The following DNM3 variants were observed in gnomAD, a reference collection of about 807,000 sequenced individuals.
The protein encoded by DNM3 is dynamin-3.
Under a neutral mutation model 101.6 loss-of-function variants are expected in DNM3, and 47 were observed. The ratio of observed to expected loss-of-function variants is 0.46; its 90% CI spans 0.37 to 0.59. The LOEUF is 0.59. Among genes scored for constraint, DNM3 ranks in the 20% least tolerant of loss-of-function variants. The probability of loss-of-function intolerance (pLI) is 0.00; values close to 1 mark genes in which losing one functional copy is unlikely to be tolerated. For synonymous variants in DNM3, 385 were observed against 387.9 expected, an observed-to-expected ratio of 0.99 and a Z score of 0.09; for missense variants, 849 against 1,085.7, an observed-to-expected ratio of 0.78 and a Z score of 3.06.
intron 14 of DNM3, among the ~76,000 whole-genome samples, chr1:172,156,710 TAAAC>T (rs1387829966): frequency 6.6e-6 from 1 of 152,114 alleles, no homozygotes; most frequent in African/African-American, 2.4e-5. Context: ...ATACTATAAA[TAAAC>T]TAACTCTTTT....
chr1:171,919,626 C>G (rs1025970025), intron 1 of DNM3, among the ~76,000 whole-genome samples: 2 of 152,014 alleles, frequency 1.3e-5, no homozygotes, highest in African/African-American at 4.8e-5. Context: ...ACAAACAAAA[C>G]AAAGTAGATG....
chr1:171,880,433 T>C (rs1443122508), intron 1 of DNM3, among the ~76,000 whole-genome samples: 4 of 152,192 alleles, frequency 2.6e-5, no homozygotes, highest in Admixed American at 6.5e-5. Flanking sequence ...TTAAGCTTTT[T>C]TCCACTGGTG....
chr1:172,103,861 C>T (rs181262144), intron 13 of DNM3, among the ~76,000 whole-genome samples: 89 of 152,162 alleles, frequency 5.8e-4, no homozygotes, highest in African/African-American at 2.0e-3. Context: ...ATTAGCTGGG[C>T]GTGGTGGTGC....
intron 1 of DNM3, among the ~76,000 whole-genome samples, chr1:171,867,261 T>G (rs1405610186): frequency 2.0e-5 from 3 of 152,356 alleles, no homozygotes; most frequent in South Asian, 2.1e-4. Flanking sequence ...AAATTTGATA[T>G]AATTCTGGCT....
At position 171,938,314 on chromosome 1, in the gene DNM3, G is replaced by A. The variant is rs78914022; in HGVS notation, c.235+16493G>A. 5.4e-3 allele frequency among the ~76,000 whole-genome samples: 824 copies of A among 152,072 alleles called. 10 individuals carry two copies. The highest frequency in any genetic ancestry group is 0.019 in the African/African-American group (778 of 41,500). On this transcript the variant is annotated intron_variant, in intron 2 of 20. Transcript: ENST00000627582. ...AACCCACCTTCCAGGCATAAACAGA[G>A]ATAAAAACTATCCTACTGAAATCCC...
chr1:172,337,372 C>T (rs900537249), intron 17 of DNM3, among the ~76,000 whole-genome samples: 2 of 152,128 alleles, frequency 1.3e-5, no homozygotes, highest in Admixed American at 6.5e-5. Context: ...GTTATATTTT[C>T]TTAGATGAAC....
intron 14 of DNM3, among the ~76,000 whole-genome samples, chr1:172,182,071 C>T (rs550297509): frequency 6.9e-4 from 104 of 151,664 alleles, no homozygotes; most frequent in Non-Finnish European, 1.2e-3. Flanking sequence ...TTGGTTATAA[C>T]GAACTGGAAC....
chr1:172,260,099 A>G (rs964645258), intron 15 of DNM3, among the ~76,000 whole-genome samples: 14 of 152,174 alleles, frequency 9.2e-5, no homozygotes, highest in African/African-American at 3.4e-4. Flanking sequence ...GCTGGGCATA[A>G]TATTTTTGGC....
intron 14 of DNM3, among the ~76,000 whole-genome samples, chr1:172,233,386 A>T (rs111920192): frequency 2.0e-5 from 3 of 152,170 alleles, no homozygotes; most frequent in Non-Finnish European, 4.4e-5. Context: ...TCTGAAATTG[A>T]GGCAATAATC....
chr1:172,094,263 A>T (rs1289811105), intron 13 of DNM3, among the ~76,000 whole-genome samples: 1 of 152,214 alleles, frequency 6.6e-6, no homozygotes, highest in African/African-American at 2.4e-5. Context: ...TGGACATTTT[A>T]TATGGCTATA....
chr1:171,979,148 G>T (rs2044596853), intron 2 of DNM3, among the ~76,000 whole-genome samples: 1 of 152,138 alleles, frequency 6.6e-6, no homozygotes, highest in African/African-American at 2.4e-5. Context: ...AGTGAAGATG[G>T]AGAACAATCA....
chr1:171,847,879 ACT>A (rs141950487), intron 1 of DNM3, among the ~76,000 whole-genome samples: 10,648 of 140,050 alleles, frequency 0.076, 404 homozygotes, highest in East Asian at 0.11. Context: ...CATATTAATT[ACT>A]CTCTCTCTCT....
intron 14 of DNM3, among the ~76,000 whole-genome samples, chr1:172,201,743 G>C (rs2060160678): frequency 6.6e-6 from 1 of 152,198 alleles, no homozygotes; most frequent in Admixed American, 6.5e-5. Context: ...GCCCCTGGGG[G>C]CCTGGTCCAA....
At chr1:171,853,651 T>G (rs1387420499) in intron 1 of DNM3, among the ~76,000 whole-genome samples, 1 of 152,222 alleles carries the variant, frequency 6.6e-6, no homozygotes, top group Admixed American at 6.5e-5. Flanking sequence ...AACATCTTTT[T>G]GGTCAGCCTT....
At chr1:172,131,842 A>T (rs1024544419) in intron 14 of DNM3, 3 of 370,164 alleles carry the variant, frequency 8.1e-6, no homozygotes, top group African/African-American at 6.5e-5. Flanking sequence ...GAATTATGGT[A>T]ATTATAGTGT....
intron 14 of DNM3, among the ~76,000 whole-genome samples, chr1:172,152,272 T>C (rs367745615): frequency 1.8e-3 from 267 of 152,030 alleles, no homozygotes; most frequent in African/African-American, 5.7e-3. Context: ...TCCTTTTTTT[T>C]TTTTTTTCAG....
intron 15 of DNM3, among the ~76,000 whole-genome samples, chr1:172,300,301 G>A (rs944841470): frequency 1.3e-5 from 2 of 152,020 alleles, no homozygotes; most frequent in African/African-American, 4.8e-5. Context: ...TTTGTTTGAT[G>A]CATAATTTGT....
intron 1 of DNM3, among the ~76,000 whole-genome samples, chr1:171,879,307 A>G (rs140152619): frequency 9.2e-5 from 14 of 152,320 alleles, no homozygotes; most frequent in African/African-American, 3.1e-4. Context: ...TTGAGTAGCT[A>G]TGTTTTAAAA....
intron 14 of DNM3, among the ~76,000 whole-genome samples, chr1:172,216,005 A>T (rs683600): frequency 0.37 from 48,802 of 131,224 alleles, 9,112 homozygotes; most frequent in African/African-American, 0.57. Flanking sequence ...TAATAAAATT[A>T]AAAAAAAAAA....
Sources: gnomAD v4.1 joint callset for allele counts (sites outside exome capture counted in the v4.1 genomes callset) on GRCh38, gnomAD v4.1.1 for gene constraint, MANE v1.5 for transcripts, NCBI Gene and HGNC (gene_info 2026-07-23, HGNC 2026-07-21) for gene names.